The following CADPS2 variants were observed in gnomAD, a reference collection of about 807,000 sequenced individuals.
CADPS2 encodes calcium dependent secretion activator 2, also known as calcium-dependent secretion activator 2.
Under a neutral mutation model 172.5 loss-of-function variants are expected in CADPS2, and 93 were observed. That is an observed-to-expected ratio of 0.54 (90% confidence interval 0.46 to 0.64). CADPS2 has a LOEUF of 0.64. Ranked by LOEUF, CADPS2 falls within the 30% of genes least tolerant of loss-of-function variation. The pLI, the probability that CADPS2 is intolerant of heterozygous loss-of-function variation, is 0.00. For missense variants in CADPS2, 1,420 were observed against 1,565.9 expected (o/e 0.91, Z 1.57); for synonymous variants, 546 against 555.2 (o/e 0.98, Z 0.23).
At chr7:122,783,304 A>G (rs1408025067) in intron 1 of CADPS2, among the ~76,000 whole-genome samples, 1 of 151,864 alleles carries the variant, frequency 6.6e-6, no homozygotes, top group East Asian at 1.9e-4. Flanking sequence ...TGTATTTAAT[A>G]TAATAACTAT....
intron 2 of CADPS2, among the ~76,000 whole-genome samples, chr7:122,714,949 CGT>C (rs1309494208): frequency 6.6e-6 from 1 of 152,080 alleles, no homozygotes; most frequent in Non-Finnish European, 1.5e-5. Context: ...ATTGGTTAAA[CGT>C]CATACAGCTA....
chr7:122,865,094 T>C (rs2428777), intron 1 of CADPS2, among the ~76,000 whole-genome samples: 6,221 of 152,166 alleles, frequency 0.041, 424 homozygotes, highest in African/African-American at 0.14. Flanking sequence ...GAGGGAGTTC[T>C]CACTCTGTTA....
At chr7:122,488,791 G>A (rs1427012533) in intron 11 of CADPS2, among the ~76,000 whole-genome samples, 2 of 152,126 alleles carry the variant, frequency 1.3e-5, no homozygotes, top group Non-Finnish European at 2.9e-5. Flanking sequence ...TTGAATTAGC[G>A]AGTTAAAGTT....
At chr7:122,810,313 G>A (rs549392063) in intron 1 of CADPS2, among the ~76,000 whole-genome samples, 2 of 152,196 alleles carry the variant, frequency 1.3e-5, no homozygotes, top group Admixed American at 6.5e-5. Context: ...CCACCCCTTG[G>A]AAGATCCATT....
intron 20 of CADPS2, among the ~76,000 whole-genome samples, chr7:122,396,101 C>T (rs887643103): frequency 3.9e-5 from 6 of 152,084 alleles, no homozygotes; most frequent in Non-Finnish European, 5.9e-5. Context: ...TGAGCTACTG[C>T]GCCTGGCTAG....
chr7:122,794,123 T>C (rs1194874112), intron 1 of CADPS2, among the ~76,000 whole-genome samples: 3 of 152,092 alleles, frequency 2.0e-5, no homozygotes, highest in Non-Finnish European at 4.4e-5. Context: ...TCTTGCTTCA[T>C]TTCCTAAACC....
chr7:122,653,710 CACA>C (rs1053783383), intron 3 of CADPS2, among the ~76,000 whole-genome samples: 13 of 152,104 alleles, frequency 8.5e-5, no homozygotes, highest in South Asian at 4.1e-4. Flanking sequence ...TGATAATTCT[CACA>C]ACATTTCAAA....
rs922932335 is a variant in CADPS2, at chr7:122,469,840, T to C, written c.2186+1535A>G. 2.0e-5 allele frequency among the ~76,000 whole-genome samples: 3 copies of C among 146,950 alleles called. No homozygotes were observed. In the South Asian group the frequency reaches 6.5e-4, roughly 32 times the overall value. On this transcript the variant is annotated intron_variant, in intron 14 of 29. Coordinates refer to ENST00000449022, the MANE Select transcript of CADPS2 (RefSeq NM_017954.11). Reference sequence around the variant, plus strand: ...GTGTGTGTCTGTGTGTGTGTGTGTGTGCACGTACACACATCTAGCACATAA... The same window carrying C: ...GTGTGTGTCTGTGTGTGTGTGTGTGCGCACGTACACACATCTAGCACATAA...
chr7:122,446,876 T>G (rs1472479693), intron 15 of CADPS2, among the ~76,000 whole-genome samples: 1 of 152,188 alleles, frequency 6.6e-6, no homozygotes, highest in African/African-American at 2.4e-5. Flanking sequence ...AGGGCTTACT[T>G]CATTTCTTTT....
chr7:122,882,965 G>GC (rs2141804294), intron 1 of CADPS2, among the ~76,000 whole-genome samples: 1 of 152,230 alleles, frequency 6.6e-6, no homozygotes, highest in South Asian at 2.1e-4. Flanking sequence ...ACAGTGTGTA[G>GC]CCCATATGCA....
chr7:122,724,350 G>A (rs2090854740), intron 2 of CADPS2, among the ~76,000 whole-genome samples: 1 of 151,980 alleles, frequency 6.6e-6, no homozygotes, highest in Non-Finnish European at 1.5e-5. Flanking sequence ...TATTTACTCA[G>A]ATTAATTGAT....
At chr7:122,394,029 T>C (rs1314713618) in intron 20 of CADPS2, among the ~76,000 whole-genome samples, 1 of 152,192 alleles carries the variant, frequency 6.6e-6, no homozygotes, top group Non-Finnish European at 1.5e-5. Context: ...CTTGATGACT[T>C]GTAAAAGCTA....
chr7:122,571,911 T>C (rs1050079872), intron 7 of CADPS2, among the ~76,000 whole-genome samples: 2 of 152,168 alleles, frequency 1.3e-5, no homozygotes, highest in Non-Finnish European at 2.9e-5. Flanking sequence ...AGATGTTTTA[T>C]TGAATAATTA....
At chr7:122,407,811 G>C in intron 19 of CADPS2, 115 bp from the exon 20 acceptor site, 1 of 1,022,812 alleles carries the variant, frequency 9.8e-7, no homozygotes, top group Non-Finnish European at 1.5e-6. Flanking sequence ...AAACAGGTAT[G>C]ATAAACAAAA....
intron 2 of CADPS2, among the ~76,000 whole-genome samples, chr7:122,680,465 G>A (rs538270355): frequency 6.1e-4 from 93 of 152,292 alleles, no homozygotes; most frequent in African/African-American, 2.0e-3. Flanking sequence ...TGTAATCCCA[G>A]CACTTTGGGA....
intron 2 of CADPS2, among the ~76,000 whole-genome samples, chr7:122,670,180 A>ATATG (rs2081651869): frequency 6.6e-6 from 1 of 151,702 alleles, no homozygotes; most frequent in African/African-American, 2.4e-5. Flanking sequence ...CAATTGGCAT[A>ATATG]TATATATATA....
chr7:122,836,604 C>CA (rs1808515556), intron 1 of CADPS2, among the ~76,000 whole-genome samples: 1 of 150,538 alleles, frequency 6.6e-6, no homozygotes, highest in African/African-American at 2.4e-5. Flanking sequence ...GCAAATGGAA[C>CA]AAAAAAAGGA....
At chr7:122,594,526 G>T (rs2133298592) in intron 6 of CADPS2, among the ~76,000 whole-genome samples, 1 of 152,004 alleles carries the variant, frequency 6.6e-6, no homozygotes, top group African/African-American at 2.4e-5. Flanking sequence ...GTCCTTTAAA[G>T]TCTGTATTTC....
Position 122,513,215 on chromosome 7 carries a change from T to TA in CADPS2, c.1542+33dup, listed in dbSNP as rs776603002. The TA allele has an allele frequency of 8.3e-5, 119 of 1,440,584 alleles. 3 individuals are homozygous for TA. The African/African-American group carries it at 1.2e-3, about 15-fold the overall frequency. 89.2% of individuals were successfully genotyped at this position (1,440,584 alleles called of 1,614,324 possible). On this transcript the variant is annotated intron_variant, in intron 9 of 29. Transcript: ENST00000449022. ...AAACAAATTTTGAGAACTGCTATCTTAGAGTGATTATTTAACAGGAAAAAA... is the reference window on the plus strand; with the variant it reads ...AAACAAATTTTGAGAACTGCTATCTTAAGAGTGATTATTTAACAGGAAAAAA...
Sources: gnomAD v4.1 joint callset for allele counts (sites outside exome capture counted in the v4.1 genomes callset) on GRCh38, gnomAD v4.1.1 for gene constraint, MANE v1.5 for transcripts, NCBI Gene and HGNC (gene_info 2026-07-23, HGNC 2026-07-21) for gene names.